TULP4: variants seen among roughly 807,000 people sequenced by gnomAD.
TULP4 encodes tubby-related protein 4.
A neutral mutation model predicts 129.0 loss-of-function variants in TULP4; 16 were observed. The ratio of observed to expected loss-of-function variants is 0.12; its 90% CI spans 0.08 to 0.19. The LOEUF is 0.19. Among genes scored for constraint, TULP4 ranks in the 10% least tolerant of loss-of-function variants. The pLI is 1.00. For synonymous variants in TULP4, 998 were observed against 854.0 expected, an observed-to-expected ratio of 1.17 and a Z score of -2.94; for missense variants, 1,842 against 2,059.1, an observed-to-expected ratio of 0.89 and a Z score of 2.04.
At chr6:158,489,000 C>T (rs1780132834) in intron 8 of TULP4, among the ~76,000 whole-genome samples, 1 of 152,180 alleles carries the variant, frequency 6.6e-6, no homozygotes, top group Non-Finnish European at 1.5e-5. Context: ...GGAGTTCCCA[C>T]CGCACAGGTT....
intron 11 of TULP4, 85 bp from the exon 12 acceptor site, chr6:158,498,584 G>A (rs1376936375): frequency 9.1e-6 from 14 of 1,544,590 alleles, no homozygotes; most frequent in Admixed American, 1.7e-5. Flanking sequence ...AAACTGCAGT[G>A]CGCTCTTCTT....
chr6:158,492,722 C>T (rs1222054192), intron 9 of TULP4, among the ~76,000 whole-genome samples: 1 of 152,128 alleles, frequency 6.6e-6, no homozygotes, highest in African/African-American at 2.4e-5. Flanking sequence ...TCCTCAGGAG[C>T]CCAGAGTTTC....
chr6:158,346,263 G>A (rs1309628517), intron 1 of TULP4, among the ~76,000 whole-genome samples: 1 of 152,214 alleles, frequency 6.6e-6, no homozygotes, highest in East Asian at 1.9e-4. Flanking sequence ...AGGATTAAGA[G>A]ATTAAAGTAA....
intron 1 of TULP4, among the ~76,000 whole-genome samples, chr6:158,295,885 C>G: frequency 6.6e-6 from 1 of 151,868 alleles, no homozygotes; most frequent in East Asian, 1.9e-4. Context: ...AATGAGACTC[C>G]GTCTCAAAAG....
intron 1 of TULP4, among the ~76,000 whole-genome samples, chr6:158,275,843 C>G (rs1281991982): frequency 6.6e-6 from 1 of 152,186 alleles, no homozygotes; most frequent in East Asian, 1.9e-4. Context: ...CTGTGACTTT[C>G]AAAGAAGTGT....
chr6:158,502,163 C>A lies in TULP4; in HGVS notation c.2500C>A (p.Pro834Thr). 1 of 1,578,922 alleles carries A rather than the reference C, an allele frequency of 6.3e-7. No individual in the cohort carries two copies. Among genetic ancestry groups the A allele is most frequent in the Non-Finnish European group, 8.6e-7 (1 of 1,162,802 alleles). Residue 834 changes from proline to threonine, a missense_variant, in exon 13 of 14, where the codon CCA becomes ACA. Physicochemically the swap from Pro to Thr is conservative, Grantham distance 38. Transcript: ENST00000367097. ...GGTCCAGGTGACGAAGATAAACCCT[C>A]CACCCCCGTACCCAGGAACCATCCC... ...QEVQVTKINP[P>T]PPYPGTIPAA... is the part of the protein sequence containing the mutation.
intron 1 of TULP4, among the ~76,000 whole-genome samples, chr6:158,409,726 A>C (rs112639979): frequency 0.019 from 2,840 of 152,314 alleles, 82 homozygotes; most frequent in African/African-American, 0.064. Context: ...TTAAACCAAA[A>C]ATCACTGGAA....
At chr6:158,408,694 G>A (rs978275824) in intron 1 of TULP4, among the ~76,000 whole-genome samples, 2 of 152,168 alleles carry the variant, frequency 1.3e-5, no homozygotes, top group African/African-American at 2.4e-5. Context: ...TCCAGAGCCC[G>A]CCTTCCTCAC....
intron 1 of TULP4, among the ~76,000 whole-genome samples, chr6:158,400,865 A>G (rs1777826119): frequency 2.0e-5 from 3 of 152,104 alleles, no homozygotes; most frequent in Non-Finnish European, 4.4e-5. Flanking sequence ...GAAACCAAAC[A>G]TTATACAGTA....
In TULP4 at chr6:158,393,595, A is replaced by C. The variant is rs555491726; in HGVS notation, c.253-19470A>C. On this transcript the variant is annotated intron_variant, in intron 1 of 13. Coordinates refer to ENST00000367097, the MANE Select transcript of TULP4 (RefSeq NM_020245.5). ...TCTGTGCACCCATAGGCCCAACATC[A>C]TATAGAAGCTACTGAGGCTTTGGGC... Among the ~76,000 whole-genome samples the C allele has an allele frequency of 1.5e-4, 23 of 152,322 alleles. 1 individual carries two copies. In the South Asian group the frequency reaches 3.7e-3, roughly 25 times the overall value.
chr6:158,265,011 C>G (rs900346902), intron 1 of TULP4, among the ~76,000 whole-genome samples: 2 of 152,228 alleles, frequency 1.3e-5, no homozygotes, highest in African/African-American at 4.8e-5. Context: ...ACAGAGCAGT[C>G]AAGTTACTAC....
intron 1 of TULP4, among the ~76,000 whole-genome samples, chr6:158,314,741 G>T (rs1049344891): frequency 6.6e-6 from 1 of 152,190 alleles, no homozygotes. Context: ...TTTGGTGATG[G>T]CTTAACACTT....
chr6:158,453,378 G>A (rs2115150739), intron 5 of TULP4, among the ~76,000 whole-genome samples: 1 of 151,196 alleles, frequency 6.6e-6, no homozygotes, highest in South Asian at 2.1e-4. Context: ...CAGCTACTCG[G>A]GAGGCTGAGG....
At chr6:158,392,775 A>C (rs942811395) in intron 1 of TULP4, among the ~76,000 whole-genome samples, 14 of 83,482 alleles carry the variant, frequency 1.7e-4, no homozygotes, top group Non-Finnish European at 3.3e-4. Context: ...CACTGTACCT[A>C]TTGTTTAAAT....
chr6:158,261,179 C>T (rs1778346495), intron 1 of TULP4, among the ~76,000 whole-genome samples: 1 of 152,150 alleles, frequency 6.6e-6, no homozygotes, highest in Non-Finnish European at 1.5e-5. Context: ...TAAAAACCAT[C>T]TATATTGTTG....
At chr6:158,356,167 AT>A (rs371179214) in intron 1 of TULP4, among the ~76,000 whole-genome samples, 376 of 152,380 alleles carry the variant, frequency 2.5e-3, no homozygotes, top group African/African-American at 8.5e-3. Context: ...AGAAGTAAAC[AT>A]TTGTGAGTTA....
chr6:158,392,987 A>T (rs1189505195), intron 1 of TULP4, among the ~76,000 whole-genome samples: 23 of 7,976 alleles, frequency 2.9e-3, no homozygotes, highest in South Asian at 0.011. Context: ...TCTGTATTTA[A>T]AAAAAAAAAA....
intron 1 of TULP4, among the ~76,000 whole-genome samples, chr6:158,361,719 T>C (rs1780793820): frequency 6.6e-6 from 1 of 152,224 alleles, no homozygotes; most frequent in Non-Finnish European, 1.5e-5. Flanking sequence ...GTAAAAGTCT[T>C]AGTTTTCCTT....
rs369101860 is a variant in TULP4, at chr6:158,469,381, C to T, written c.1026+7652C>T. The stretch of plus-strand genomic sequence containing the variant: ...CTCCACCTCCTGGGTTCAAGCGATT[C>T]TCCCACCTCTGTCTCCCGAGTAGCT... On this transcript the variant is annotated intron_variant, in intron 6 of 13. Transcript: ENST00000367097. 7.9e-5 allele frequency among the ~76,000 whole-genome samples: 12 copies of T among 151,982 alleles called. No individual in the cohort carries two copies. In the South Asian group the frequency reaches 2.5e-3, roughly 32 times the overall value.
Sources: allele counts gnomAD v4.1 joint callset (sites outside exome capture counted in the v4.1 genomes callset), GRCh38; gene constraint gnomAD v4.1.1; transcripts MANE v1.5; gene names NCBI Gene and HGNC (gene_info 2026-07-23, HGNC 2026-07-21).